Variants in AIFM3 observed in about 807,000 individuals in gnomAD.
AIFM3 encodes the protein AIF family member 3, also known as apoptosis-inducing factor 3.
In AIFM3, 71 loss-of-function variants were observed where a neutral mutation model predicts 82.7. The observed-to-expected ratio is 0.86, with a 90% CI of 0.71 to 1.05. The LOEUF (loss-of-function observed/expected upper bound fraction) is 1.05, where lower values mean the gene tolerates loss of function less well. Among genes scored for constraint, AIFM3 ranks in the 50% least tolerant of loss-of-function variants. The pLI is 0.00. For missense variants in AIFM3, 748 were observed against 816.7 expected, an observed-to-expected ratio of 0.92 and a Z score of 1.03; for synonymous variants, 337 against 329.1, an observed-to-expected ratio of 1.02 and a Z score of -0.26.
rs371611321 is a variant in AIFM3 at position 20,977,690 on chromosome 22, G to A, written c.1283-10G>A. ...GACAGGGGAGTGGACACAGGCTTCC[G>A]TCCTGTCAGGTGCAGTGCCCGCCAC... On this transcript the variant is annotated splice_polypyrimidine_tract_variant and intron_variant, in intron 14 of 20. Coordinates refer to ENST00000440238, the MANE Select transcript of AIFM3 (RefSeq NM_001386814.1). 8.1e-6 allele frequency: 13 copies of A among 1,613,730 alleles called. No homozygotes were observed. The East Asian group carries it at 1.1e-4, about 14-fold the overall frequency.
At chr22:20,979,416 G>T (rs1185588251) in intron 17 of AIFM3, 47 bp downstream of exon 17, 1 of 1,528,252 alleles carries the variant, frequency 6.5e-7, no homozygotes, top group Non-Finnish European at 8.9e-7. Flanking sequence ...GCGTTTAGGG[G>T]CGGGGCTTGG....
At chr22:20,973,728 G>C (rs200349313) in intron 3 of AIFM3, 30 bp from the exon 4 acceptor site, 1 of 1,515,256 alleles carries the variant, frequency 6.6e-7, no homozygotes, top group Non-Finnish European at 8.9e-7. Flanking sequence ...CTGGTGTCTG[G>C]CCTGACCTCT....
Position 20,979,427 on chromosome 22 carries a change from G to C in AIFM3, c.1576+58G>C, listed in dbSNP as rs1487872284. Reference sequence around the variant, plus strand: ...GAGGGCGTTTAGGGGCGGGGCTTGGGTGTGGGGCGGGGCTGGGAGCCTAGG... The same window carrying C: ...GAGGGCGTTTAGGGGCGGGGCTTGGCTGTGGGGCGGGGCTGGGAGCCTAGG... On this transcript the variant is annotated intron_variant, in intron 17 of 20. Coordinates refer to ENST00000440238, the MANE Select transcript of AIFM3 (RefSeq NM_001386814.1). 13 of 1,396,188 alleles carry C rather than the reference G, an allele frequency of 9.3e-6. No homozygotes were observed. The African/African-American group carries it at 1.7e-4, about 19-fold the overall frequency. 86.5% of individuals were successfully genotyped at this position (1,396,188 alleles called of 1,614,324 possible). A position where few individuals can be genotyped will look rare whatever the true frequency, so the allele number is the denominator to read the frequency against.
chr22:20,976,344 AG>A (rs1486622124), intron 10 of AIFM3, 38 bp downstream of exon 10: 1 of 1,613,742 alleles, frequency 6.2e-7, no homozygotes, highest in South Asian at 1.1e-5. Flanking sequence ...GACACTAGGC[AG>A]GGCACTGGCC....
At chr22:20,971,733 G>A (rs1268150488) in intron 2 of AIFM3, among the ~76,000 whole-genome samples, 1 of 152,222 alleles carries the variant, frequency 6.6e-6, no homozygotes, top group African/African-American at 2.4e-5. Flanking sequence ...TGTGCCAGGG[G>A]CTTAGTGTCC....
At chr22:20,979,561 G>C (rs561669943) in intron 17 of AIFM3, 66 bp from the exon 18 acceptor site, 151 of 1,590,390 alleles carry the variant, frequency 9.5e-5, no homozygotes, top group Non-Finnish European at 1.2e-4. Context: ...GGTTAGGAGG[G>C]GATCCTGTGA....
At chr22:20,976,348 C>T (rs765355336) in intron 10 of AIFM3, 42 bp downstream of exon 10, 1 of 1,613,650 alleles carries the variant, frequency 6.2e-7, no homozygotes, top group Non-Finnish European at 8.5e-7. Context: ...CTAGGCAGGG[C>T]ACTGGCCTGG....
Position 20,974,020 on chromosome 22 carries a change from C to T in AIFM3, c.356-43C>T, listed in dbSNP as rs375070516. The T allele has an allele frequency of 2.4e-5, 37 of 1,555,152 alleles. No individual in the cohort carries two copies. In the African/African-American group the frequency reaches 4.2e-4, roughly 18 times the overall value. ...CCGGGGCACTGAGATCCTTGGGAAG[C>T]AACCCCTGCTGGTGGGCGCAGCCTA... On this transcript the variant is annotated intron_variant, in intron 4 of 20. Coordinates refer to ENST00000440238, the MANE Select transcript of AIFM3 (RefSeq NM_001386814.1).
In AIFM3 at chr22:20,976,947, T is replaced by C; in HGVS notation, c.1218+9T>C. 6.2e-7 allele frequency: 1 copy of C among 1,612,090 alleles called. No homozygotes were observed. Among genetic ancestry groups the C allele is most frequent in the Non-Finnish European group, 8.5e-7 (1 of 1,178,712 alleles). ...GGGGCCAGGAGGGAAAGGTGGGCCC[T>C]TCTCCCTTCTCCCTGCTGCTTTCTG... On this transcript the variant is annotated intron_variant, in intron 13 of 20. Transcript: ENST00000440238.
chr22:20,965,485 G>C (rs1461673260), upstream of AIFM3: 2 of 152,656 alleles, frequency 1.3e-5, no homozygotes, highest in Non-Finnish European at 2.9e-5. Flanking sequence ...GGTCTGGCGG[G>C]GGCAACGGGA....
chr22:20,979,773 C>CA lies in AIFM3; in HGVS notation c.1652+75dup, dbSNP rs549795321. 9.3e-5 allele frequency: 146 copies of CA among 1,571,954 alleles called. No homozygotes were observed. In the African/African-American group the frequency reaches 1.9e-3, roughly 21 times the overall value. On this transcript the variant is annotated intron_variant, in intron 18 of 20. Coordinates refer to ENST00000440238, the MANE Select transcript of AIFM3 (RefSeq NM_001386814.1). ...GTCGGGAAGGGGGATTCATCCCAGGCAAAATCCCAGAACAAGAGCCCAGCC... is the reference window on the plus strand; with the variant it reads ...GTCGGGAAGGGGGATTCATCCCAGGCAAAAATCCCAGAACAAGAGCCCAGCC...
At chr22:20,974,012 T>C in intron 4 of AIFM3, 51 bp from the exon 5 acceptor site, 1 of 1,547,664 alleles carries the variant, frequency 6.5e-7, no homozygotes, top group Non-Finnish European at 8.7e-7. Context: ...ACTGAGATCC[T>C]TGGGAAGCAA....
At chr22:20,969,513 T>G (rs1406185962) in intron 2 of AIFM3, among the ~76,000 whole-genome samples, 2 of 152,002 alleles carry the variant, frequency 1.3e-5, no homozygotes, top group Non-Finnish European at 2.9e-5. Flanking sequence ...CACTGCAAGC[T>G]CCGCCTCCCA....
Position 20,975,696 on chromosome 22 carries a change from T to G in AIFM3, c.725T>G (p.Leu242Arg), listed in dbSNP as rs1923596718. The change falls in exon 9 of 21, where the codon CTG (leucine) becomes CGG (arginine). Residue 242 changes from leucine to arginine, a missense_variant. By Grantham distance (102) the Leu-to-Arg change is moderately radical. Around this residue, in one of 5 missense-constraint regions of AIFM3, gnomAD observed 393 missense variants for 481.1 expected, o/e 0.82. Transcript: ENST00000440238. ...CAAGCTGGCTCTCCCCTGCAGTCCC[T>G]GGACACACAGCCTGAGCAGCTGGCC... ...PYDRPKLSKS[L>R]DTQPEQLALR... 3 of 1,613,738 alleles carry G rather than the reference T, an allele frequency of 1.9e-6. No individual in the cohort carries two copies. Among genetic ancestry groups the G allele is most frequent in the Non-Finnish European group, 2.5e-6 (3 of 1,179,994 alleles).
At chr22:20,973,996 C>A in intron 4 of AIFM3, 67 bp from the exon 5 acceptor site, 4 of 1,519,306 alleles carry the variant, frequency 2.6e-6, no homozygotes, top group Non-Finnish European at 3.5e-6. Flanking sequence ...CCGCAGTTGC[C>A]GGGGCACTGA....
intron 20 of AIFM3, 49 bp downstream of exon 20, chr22:20,980,816 C>G: frequency 1.4e-5 from 22 of 1,611,022 alleles, no homozygotes; most frequent in Non-Finnish European, 1.8e-5. Context: ...CCATGTCAGC[C>G]CAGACCCTCC....
intron 2 of AIFM3, among the ~76,000 whole-genome samples, 174 bp from the exon 3 acceptor site, chr22:20,973,133 C>T (rs113681607): frequency 3.3e-5 from 5 of 152,022 alleles, no homozygotes; most frequent in East Asian, 3.9e-4. Flanking sequence ...TCCGCTGCTT[C>T]GTGCCAGGTT....
In AIFM3 at chr22:20,974,822, G is replaced by A. The variant is rs749298905; in HGVS notation, c.720+6G>A. On this transcript the variant is annotated splice_donor_region_variant and intron_variant, in intron 8 of 20. Coordinates refer to ENST00000440238, the MANE Select transcript of AIFM3 (RefSeq NM_001386814.1). The stretch of plus-strand genomic sequence containing the variant: ...ACCGTCCCAAGCTCAGCAAGGTACA[G>A]GGGGTGGGGCAAGTAGGGACCCTAT... 2.5e-6 allele frequency: 4 copies of A among 1,611,826 alleles called. No individual in the cohort carries two copies. The highest frequency in any genetic ancestry group is 1.1e-5 in the South Asian group (1 of 90,986).
upstream of AIFM3, among the ~76,000 whole-genome samples, chr22:20,966,315 G>A (rs1268331587): frequency 2.6e-5 from 4 of 152,324 alleles, no homozygotes; most frequent in African/African-American, 9.6e-5. Context: ...GGCAGGTGGG[G>A]CAGGTGGCAG....
Sources: gnomAD v4.1 joint callset for allele counts (sites outside exome capture counted in the v4.1 genomes callset) on GRCh38, gnomAD v4.1.1 for gene constraint, gnomAD v4.1.1 regional missense constraint, MANE v1.5 for transcripts, NCBI Gene and HGNC (gene_info 2026-07-23, HGNC 2026-07-21) for gene names.